Variants in STARD13 observed in about 807,000 individuals in gnomAD.
STARD13 encodes stAR-related lipid transfer protein 13.
In STARD13, 62 loss-of-function variants were observed where a neutral mutation model predicts 106.4. The ratio of observed to expected loss-of-function variants is 0.58; its 90% CI spans 0.48 to 0.72. The LOEUF (loss-of-function observed/expected upper bound fraction) is 0.72, where lower values mean the gene tolerates loss of function less well. Ranked by LOEUF, STARD13 falls within the 30% of genes least tolerant of loss-of-function variation. The probability of loss-of-function intolerance (pLI) is 0.00; values close to 1 mark genes in which losing one functional copy is unlikely to be tolerated. For synonymous variants in STARD13, 565 were observed against 553.0 expected, an observed-to-expected ratio of 1.02 and a Z score of -0.31; for missense variants, 1,387 against 1,424.0, an observed-to-expected ratio of 0.97 and a Z score of 0.42.
the STARD13 span, among the ~76,000 whole-genome samples, chr13:33,667,839 C>A: frequency 6.6e-6 from 1 of 152,222 alleles, no homozygotes; most frequent in African/African-American, 2.4e-5. Context: ...CCTTACATAT[C>A]TTAAGTTCAG....
chr13:33,189,430 CTTTCGGAGGAAGGAGGGAAAGCAGGAG>C (rs1380532302), intron 1 of STARD13, among the ~76,000 whole-genome samples: 1 of 13,730 alleles, frequency 7.3e-5, no homozygotes, highest in Non-Finnish European at 1.9e-4. Flanking sequence ...CTCCTTCCTC[CTTTCGGAGGAAGGAGGGAAAGCAGGAG>C]GAAAGGGAAG....
the STARD13 span, among the ~76,000 whole-genome samples, chr13:33,428,455 A>T: frequency 2.0e-5 from 3 of 152,136 alleles, no homozygotes; most frequent in East Asian, 3.8e-4. Flanking sequence ...TATAAAAGGA[A>T]CTCGAAAAAC....
chr13:33,483,628 C>T, the STARD13 span, among the ~76,000 whole-genome samples: 16 of 152,220 alleles, frequency 1.1e-4, no homozygotes, highest in Non-Finnish European at 2.1e-4. Context: ...AACCATTATT[C>T]ATCATGATTG....
At chr13:33,672,681 T>C in the STARD13 span, among the ~76,000 whole-genome samples, 1 of 152,212 alleles carries the variant, frequency 6.6e-6, no homozygotes, top group African/African-American at 2.4e-5. Flanking sequence ...TGTTAAACAA[T>C]ATTTAAAGAT....
chr13:33,658,916 T>G, the STARD13 span, among the ~76,000 whole-genome samples: 1 of 152,108 alleles, frequency 6.6e-6, no homozygotes, highest in Admixed American at 6.5e-5. Flanking sequence ...ACCTACATAA[T>G]GAAGCTGTCA....
chr13:33,235,266 C>A (rs1398889442), intron 1 of STARD13, among the ~76,000 whole-genome samples: 26 of 152,176 alleles, frequency 1.7e-4, no homozygotes, highest in Admixed American at 1.7e-3. Context: ...AACATGAGGT[C>A]CTGTCAACAA....
intron 4 of STARD13, among the ~76,000 whole-genome samples, chr13:33,140,774 T>G (rs1212865301): frequency 6.6e-6 from 1 of 151,620 alleles, no homozygotes; most frequent in East Asian, 1.9e-4. Flanking sequence ...TTCTTTTTTT[T>G]TTTTTTGAGG....
At chr13:33,639,053 GTGAAAATTTTCTGC>G in the STARD13 span, among the ~76,000 whole-genome samples, 14 of 152,064 alleles carry the variant, frequency 9.2e-5, no homozygotes, top group South Asian at 1.9e-3. Flanking sequence ...GTGAATAAAA[GTGAAAATTTTCTGC>G]TCTCAAGTAG....
chr13:33,668,079 C>T, the STARD13 span, among the ~76,000 whole-genome samples: 1 of 152,190 alleles, frequency 6.6e-6, no homozygotes, highest in Non-Finnish European at 1.5e-5. Context: ...GATTTTCTTC[C>T]ACCATGTGGC....
At chr13:33,495,128 A>G in the STARD13 span, among the ~76,000 whole-genome samples, 6 of 152,176 alleles carry the variant, frequency 3.9e-5, no homozygotes, top group Non-Finnish European at 7.3e-5. Context: ...TCCTACATGT[A>G]CACCATAAAA....
At chr13:33,521,355 T>C in the STARD13 span, among the ~76,000 whole-genome samples, 1 of 152,156 alleles carries the variant, frequency 6.6e-6, no homozygotes, top group Non-Finnish European at 1.5e-5. Flanking sequence ...AATGGCAATT[T>C]TTCTCTGTGG....
At chr13:33,528,761 A>G in the STARD13 span, among the ~76,000 whole-genome samples, 4 of 151,958 alleles carry the variant, frequency 2.6e-5, no homozygotes, top group Non-Finnish European at 5.9e-5. Flanking sequence ...TCTTTTTTTC[A>G]TCATAGTAAC....
the STARD13 span, among the ~76,000 whole-genome samples, chr13:33,438,470 G>T: frequency 6.6e-5 from 10 of 152,318 alleles, no homozygotes; most frequent in African/African-American, 2.2e-4. Flanking sequence ...CCAGGTGGTT[G>T]AGGGTTATAT....
At chr13:33,206,275 C>T (rs1169235721) in intron 1 of STARD13, among the ~76,000 whole-genome samples, 4 of 151,890 alleles carry the variant, frequency 2.6e-5, no homozygotes, top group African/African-American at 9.7e-5. Context: ...TTAAGTTAGC[C>T]TAAAACTTCA....
chr13:33,651,583 G>C, the STARD13 span, among the ~76,000 whole-genome samples: 1 of 150,442 alleles, frequency 6.6e-6, no homozygotes, highest in South Asian at 2.1e-4. Flanking sequence ...TAAGGAGAAA[G>C]TGTCTTTTTA....
chr13:33,543,561 A>G, the STARD13 span, among the ~76,000 whole-genome samples: 1 of 152,236 alleles, frequency 6.6e-6, no homozygotes, highest in African/African-American at 2.4e-5. Context: ...GTGGATATCA[A>G]AATATATAAT....
At chr13:33,476,990 T>C in the STARD13 span, among the ~76,000 whole-genome samples, 8 of 152,198 alleles carry the variant, frequency 5.3e-5, no homozygotes, top group Admixed American at 5.2e-4. Context: ...GTCCAGGGAC[T>C]ACTGTAAAAG....
the STARD13 span, among the ~76,000 whole-genome samples, chr13:33,397,662 G>A: frequency 6.6e-6 from 1 of 152,310 alleles, no homozygotes; most frequent in South Asian, 2.1e-4. Context: ...GGCCTCATGG[G>A]ACAAATAATG....
At chr13:33,347,033 C>G (rs953455295), downstream of STARD13, among the ~76,000 whole-genome samples, 6 of 152,164 alleles carry the variant, frequency 3.9e-5, no homozygotes, top group Non-Finnish European at 8.8e-5. Flanking sequence ...AGTTCCAGCA[C>G]TAAGCTTACT....
Sources: allele counts gnomAD v4.1 joint callset (sites outside exome capture counted in the v4.1 genomes callset), GRCh38; gene constraint gnomAD v4.1.1; transcripts MANE v1.5; gene names NCBI Gene and HGNC (gene_info 2026-07-23, HGNC 2026-07-21).